CSAD: variants seen among roughly 807,000 people sequenced by gnomAD.
The protein encoded by CSAD is P-selectin cytoplasmic tail-associated protein.
Under a neutral mutation model 61.5 loss-of-function variants are expected in CSAD, and 47 were observed. The observed-to-expected ratio is 0.76, with a 90% CI of 0.60 to 0.97. CSAD has a LOEUF of 0.97. Ranked by LOEUF, CSAD falls within the 50% of genes least tolerant of loss-of-function variation. The probability of loss-of-function intolerance (pLI) is 0.00; values close to 1 mark genes in which losing one functional copy is unlikely to be tolerated. For missense variants in CSAD, 611 were observed against 643.6 expected (o/e 0.95, Z 0.55); for synonymous variants, 245 against 252.7 (o/e 0.97, Z 0.29).
chr12:53,166,797 G>A (rs955378980), intron 10 of CSAD, among the ~76,000 whole-genome samples: 3 of 151,878 alleles, frequency 2.0e-5, no homozygotes, highest in African/African-American at 7.3e-5. Context: ...CTCTGTCTCA[G>A]AAAAACAAAA....
chr12:53,158,340 T>C lies in CSAD; in HGVS notation c.*171A>G. ...TAGTAGAGACAGGGTTTCACCTTAT[T>C]GGCCAGGCTGGTCTCGAACTCCTGA... is the stretch of plus-strand genomic sequence containing the variant. On this transcript the variant is annotated 3_prime_UTR_variant, in exon 17 of 17. Transcript: ENST00000444623. 1.8e-6 allele frequency: 1 copy of C among 546,500 alleles called. No individual in the cohort carries two copies. 33.9% of individuals were successfully genotyped at this position (546,500 alleles called of 1,614,324 possible).
In CSAD at chr12:53,180,780, T is replaced by G. The variant is rs1423430622; in HGVS notation, c.-139A>C. The G allele has an allele frequency of 7.9e-7, 1 of 1,273,660 alleles. No individual in the cohort carries two copies. Among genetic ancestry groups the G allele is most frequent in the Non-Finnish European group, 1.0e-6 (1 of 982,796 alleles). 78.9% of individuals were successfully genotyped at this position (1,273,660 alleles called of 1,614,324 possible). A position where few individuals can be genotyped will look rare whatever the true frequency, so the allele number is the denominator to read the frequency against. On this transcript the variant is annotated 5_prime_UTR_variant, in exon 1 of 17. Transcript: ENST00000444623. Reference sequence around the variant, plus strand: ...CGGCGGTGGGGTTGGCAGGGTGTGCTGGGGCCTGGAGGAGGCGCCGCGCGG... The same window carrying G: ...CGGCGGTGGGGTTGGCAGGGTGTGCGGGGGCCTGGAGGAGGCGCCGCGCGG...
At chr12:53,160,072 G>A (rs1939094198) in intron 14 of CSAD, 48 bp downstream of exon 14, 1 of 1,607,416 alleles carries the variant, frequency 6.2e-7, no homozygotes, top group African/African-American at 1.3e-5. Flanking sequence ...GAGGGGCATG[G>A]ACCCAGGAGA....
intron 1 of CSAD, chr12:53,179,990 G>A (rs1941442002): frequency 1.3e-6 from 2 of 1,489,956 alleles, no homozygotes; most frequent in South Asian, 1.4e-5. Context: ...ACGTGTGGAG[G>A]CTAGTGTTTG....
intron 13 of CSAD, 62 bp downstream of exon 13, chr12:53,160,701 G>A: frequency 7.3e-7 from 1 of 1,360,686 alleles, no homozygotes; most frequent in South Asian, 1.2e-5. Flanking sequence ...ATCTAAGGTG[G>A]GATAGAGAAG....
chr12:53,160,211 G>T lies in CSAD; in HGVS notation c.1075C>A (p.Arg359Ser), dbSNP rs199797709. 4 of 1,614,174 alleles carry T rather than the reference G, an allele frequency of 2.5e-6. No homozygotes were observed. The South Asian group carries it at 4.4e-5, about 18-fold the overall frequency. The change falls in exon 14 of 17, where the codon CGT becomes AGT. Residue 359 changes from arginine (R) to serine (S), a missense_variant. Transcript: ENST00000444623. ...AGCCACAGCTTCAGACAGTCCACACGGCGGCCACACTGCACCACCTTGTCT... is the reference window on the plus strand; with the variant it reads ...AGCCACAGCTTCAGACAGTCCACACTGCGGCCACACTGCACCACCTTGTCT... ...TGDKVVQCGR[R>S]VDCLKLWLMW... is the part of the protein sequence containing the mutation.
intron 10 of CSAD, among the ~76,000 whole-genome samples, chr12:53,167,530 T>C (rs1402060986): frequency 6.6e-6 from 1 of 152,218 alleles, no homozygotes; most frequent in African/African-American, 2.4e-5. Context: ...CAGTCTTCCT[T>C]ACTGGAATAA....
At position 53,158,348 on chromosome 12, in the gene CSAD, C is replaced by A; in HGVS notation, c.*163G>T. The A allele has an allele frequency of 1.7e-6, 1 of 581,426 alleles. No homozygotes were observed. Among genetic ancestry groups the A allele is most frequent in the Admixed American group, 3.3e-5 (1 of 30,374 alleles). 36.0% of individuals were successfully genotyped at this position (581,426 alleles called of 1,614,324 possible). On this transcript the variant is annotated 3_prime_UTR_variant, in exon 17 of 17. Coordinates refer to ENST00000444623, the MANE Select transcript of CSAD (RefSeq NM_001244705.2). ...ACAGGGTTTCACCTTATTGGCCAGG[C>A]TGGTCTCGAACTCCTGACCTCAAGT...
At chr12:53,180,395 C>T in intron 1 of CSAD, 1 of 985,360 alleles carries the variant, frequency 1.0e-6, no homozygotes, top group Non-Finnish European at 1.2e-6. Context: ...GAGTCTGAAC[C>T]AGCTCACCCA....
intron 6 of CSAD, 67 bp downstream of exon 6, chr12:53,172,279 C>A (rs940356433): frequency 7.3e-7 from 1 of 1,372,392 alleles, no homozygotes; most frequent in East Asian, 2.3e-5. Flanking sequence ...CCTCCCCTAC[C>A]CCTCAGGCAC....
chr12:53,171,075 CCA>C, intron 8 of CSAD: 1 of 651,248 alleles, frequency 1.5e-6, no homozygotes, highest in Non-Finnish European at 2.8e-6. Context: ...GGTCCACAGA[CCA>C]CACTCTTGAG....
At chr12:53,167,932 T>TC (rs879326665) in intron 10 of CSAD, among the ~76,000 whole-genome samples, 3 of 152,172 alleles carry the variant, frequency 2.0e-5, no homozygotes, top group Non-Finnish European at 4.4e-5. Context: ...ATACAAATGT[T>TC]CATAGCAGCA....
chr12:53,172,710 A>C (rs1592348938), intron 4 of CSAD, 62 bp from the exon 5 acceptor site: 1 of 1,523,648 alleles, frequency 6.6e-7, no homozygotes, highest in Non-Finnish European at 8.8e-7. Flanking sequence ...GTCAAACCAC[A>C]CCTCCACAGA....
chr12:53,177,727 C>T (rs932876614), intron 2 of CSAD, among the ~76,000 whole-genome samples: 1 of 152,160 alleles, frequency 6.6e-6, no homozygotes, highest in Non-Finnish European at 1.5e-5. Context: ...CAACCCCCGC[C>T]TCCCGGGTTC....
intron 16 of CSAD, 98 bp from the exon 17 acceptor site, chr12:53,158,782 C>G: frequency 8.6e-7 from 1 of 1,166,054 alleles, no homozygotes; most frequent in Non-Finnish European, 1.2e-6. Flanking sequence ...GCTTTTCCTT[C>G]CCACCCAGCC....
In CSAD at chr12:53,174,737, A is replaced by G. The variant is rs142239770; in HGVS notation, c.-49-967T>C. Among the ~76,000 whole-genome samples the G allele has an allele frequency of 3.4e-3, 522 of 152,254 alleles. 1 individual carries two copies. The highest frequency in any genetic ancestry group is 0.012 in the African/African-American group (493 of 41,542). ...AACCTGTGAGGCGGAGGTTGCACTG[A>G]GCCAAGATGGTACCACTGCACTCCA... On this transcript the variant is annotated intron_variant, in intron 2 of 16. Transcript: ENST00000444623.
chr12:53,173,459 T>G lies in CSAD; in HGVS notation c.12A>C (p.Ser4=). The change falls in exon 4 of 17, where the codon TCA becomes TCC. Residue 4 remains serine (S), a synonymous_variant. Transcript: ENST00000444623. MAD[S]EALPSLAGDP... ...CCCCAGCAAGGGAGGGGAGTGCTTC[T>G]GAGTCAGCCATCAGGATCTGTGGCA... is the stretch of plus-strand genomic sequence containing the variant. 6.2e-7 allele frequency: 1 copy of G among 1,614,172 alleles called. No homozygotes were observed. The highest frequency in any genetic ancestry group is 1.3e-5 in the African/African-American group (1 of 75,038).
intron 4 of CSAD, among the ~76,000 whole-genome samples, chr12:53,172,910 A>G (rs1592349736): frequency 6.6e-6 from 1 of 152,224 alleles, no homozygotes; most frequent in East Asian, 1.9e-4. Flanking sequence ...ATTTGGAAAG[A>G]GAAAGAGAAG....
intron 10 of CSAD, among the ~76,000 whole-genome samples, chr12:53,165,611 C>T (rs1052998199): frequency 2.8e-5 from 4 of 144,450 alleles, no homozygotes; most frequent in African/African-American, 7.8e-5. Context: ...TGCAGTGAGC[C>T]GAGATCACGA....
Sources: gnomAD v4.1 joint callset for allele counts (sites outside exome capture counted in the v4.1 genomes callset) on GRCh38, gnomAD v4.1.1 for gene constraint, MANE v1.5 for transcripts, NCBI Gene and HGNC (gene_info 2026-07-23, HGNC 2026-07-21) for gene names.